The following ARID4B variants were observed in gnomAD, a reference collection of about 807,000 sequenced individuals.
ARID4B encodes the protein AT-rich interactive domain-containing protein 4B.
In ARID4B, 26 loss-of-function variants were observed where a neutral mutation model predicts 147.5. The observed-to-expected ratio is 0.18, with a 90% CI of 0.13 to 0.24. The LOEUF (loss-of-function observed/expected upper bound fraction) is 0.24, where lower values mean the gene tolerates loss of function less well. ARID4B is among the 10% of genes least tolerant of loss of function. ARID4B has a pLI of 1.00. For synonymous variants in ARID4B, 512 were observed against 507.9 expected (o/e 1.01, Z -0.11); for missense variants, 1,179 against 1,511.5 (o/e 0.78, Z 3.65).
At chr1:235,173,796 ATATATATATATATATATG>A (rs1179727520) in intron 22 of ARID4B, among the ~76,000 whole-genome samples, 1,296 of 80,326 alleles carry the variant, frequency 0.016, 59 homozygotes, top group African/African-American at 0.051. Flanking sequence ...ATATATATAT[ATATATATATATATATATG>A]TATACCTAAA....
chr1:235,278,227 T>C (rs1344548616), intron 2 of ARID4B, among the ~76,000 whole-genome samples: 1 of 152,220 alleles, frequency 6.6e-6, no homozygotes. Context: ...TAAAAAACTA[T>C]ACCAATCAAA....
At chr1:235,265,801 T>G (rs1670568649) in intron 2 of ARID4B, among the ~76,000 whole-genome samples, 2 of 152,148 alleles carry the variant, frequency 1.3e-5, no homozygotes, top group Admixed American at 6.5e-5. Flanking sequence ...GCCACTTAGC[T>G]AAGTGCCTCA....
At chr1:235,313,037 T>C (rs967622806) in intron 2 of ARID4B, among the ~76,000 whole-genome samples, 3 of 152,156 alleles carry the variant, frequency 2.0e-5, no homozygotes, top group Non-Finnish European at 4.4e-5. Flanking sequence ...AAGATAAAAC[T>C]GAAAATGTGA....
intron 9 of ARID4B, among the ~76,000 whole-genome samples, chr1:235,233,411 T>C (rs181584449): frequency 4.7e-4 from 71 of 152,022 alleles, no homozygotes; most frequent in African/African-American, 1.6e-3. Context: ...CCAGCCTGGG[T>C]GAAAGAGTGA....
At chr1:235,311,974 G>A (rs973940893) in intron 2 of ARID4B, among the ~76,000 whole-genome samples, 7 of 152,096 alleles carry the variant, frequency 4.6e-5, no homozygotes, top group Non-Finnish European at 7.4e-5. Context: ...TGTGTAATAT[G>A]TACTGATATA....
At chr1:235,186,856 C>T (rs749413041) in intron 19 of ARID4B, among the ~76,000 whole-genome samples, 2 of 151,770 alleles carry the variant, frequency 1.3e-5, no homozygotes, top group Non-Finnish European at 2.9e-5. Flanking sequence ...CCACCACATT[C>T]GGCTAATTTT....
intron 9 of ARID4B, among the ~76,000 whole-genome samples, chr1:235,233,229 C>T (rs1344788511): frequency 1.3e-5 from 2 of 152,096 alleles, no homozygotes; most frequent in East Asian, 1.9e-4. Context: ...ATTTGGATCG[C>T]TTGAGCTGAG....
intron 9 of ARID4B, among the ~76,000 whole-genome samples, chr1:235,233,753 C>T (rs775706794): frequency 9.2e-5 from 14 of 152,072 alleles, no homozygotes; most frequent in Non-Finnish European, 1.8e-4. Flanking sequence ...CTAATTAGAC[C>T]ATCAAGAACA....
intron 12 of ARID4B, 114 bp downstream of exon 12, chr1:235,224,589 C>G (rs1317159228): frequency 1.4e-6 from 1 of 719,022 alleles, no homozygotes; most frequent in South Asian, 1.7e-5. Context: ...GTCAAAAAGA[C>G]AGCCATAATT....
intron 2 of ARID4B, among the ~76,000 whole-genome samples, chr1:235,282,980 C>T (rs1671757756): frequency 6.6e-6 from 1 of 152,074 alleles, no homozygotes; most frequent in Non-Finnish European, 1.5e-5. Context: ...CGGGGTTTCA[C>T]CGTGTTAGCC....
intron 2 of ARID4B, among the ~76,000 whole-genome samples, chr1:235,314,533 A>G (rs894911313): frequency 6.6e-6 from 1 of 152,224 alleles, no homozygotes; most frequent in African/African-American, 2.4e-5. Flanking sequence ...TCATGAAGCT[A>G]CAATGTTTAC....
At chr1:235,265,728 T>C (rs1418906813) in intron 2 of ARID4B, among the ~76,000 whole-genome samples, 1 of 151,682 alleles carries the variant, frequency 6.6e-6, no homozygotes, top group Non-Finnish European at 1.5e-5. Context: ...AAAGGGTATA[T>C]GTTCCTAAAC....
chr1:235,296,353 C>T (rs1296776299), intron 2 of ARID4B: 1 of 152,186 alleles, frequency 6.6e-6, no homozygotes, highest in Non-Finnish European at 1.5e-5. Flanking sequence ...GCCCAGCTGG[C>T]TAACACTAAA....
At chr1:235,322,287 TG>T (rs1198160244) in intron 2 of ARID4B, among the ~76,000 whole-genome samples, 1 of 152,166 alleles carries the variant, frequency 6.6e-6, no homozygotes, top group African/African-American at 2.4e-5. Flanking sequence ...CCCAAAGTGC[TG>T]GGATTACAGG....
chr1:235,169,325 C>T (rs1663164085), intron 23 of ARID4B, among the ~76,000 whole-genome samples: 1 of 151,224 alleles, frequency 6.6e-6, no homozygotes. Context: ...ACTAAAAGTT[C>T]TGCCTCCTGA....
intron 6 of ARID4B, among the ~76,000 whole-genome samples, chr1:235,248,819 G>A (rs6673756): frequency 0.28 from 41,858 of 152,078 alleles, 7,365 homozygotes; most frequent in South Asian, 0.53. Context: ...GGACTAAAAA[G>A]ACCTGGGGGT....
intron 9 of ARID4B, among the ~76,000 whole-genome samples, chr1:235,232,159 A>G (rs879658067): frequency 1.3e-5 from 2 of 152,044 alleles, no homozygotes; most frequent in Admixed American, 6.6e-5. Flanking sequence ...GTGGTTCACA[A>G]CTGTAATCCC....
intron 17 of ARID4B, among the ~76,000 whole-genome samples, chr1:235,201,190 G>A (rs1665891991): frequency 6.6e-6 from 1 of 151,984 alleles, no homozygotes; most frequent in East Asian, 1.9e-4. Flanking sequence ...AAAATAACTG[G>A]AAAGGAAGTG....
chr1:235,264,607 T>A (rs902128169), intron 2 of ARID4B, among the ~76,000 whole-genome samples: 3 of 152,106 alleles, frequency 2.0e-5, no homozygotes, highest in African/African-American at 7.2e-5. Context: ...AAAAACAGAG[T>A]CAATATTAGA....
Sources: allele counts gnomAD v4.1 joint callset (sites outside exome capture counted in the v4.1 genomes callset), GRCh38; gene constraint gnomAD v4.1.1; transcripts MANE v1.5; gene names NCBI Gene and HGNC (gene_info 2026-07-23, HGNC 2026-07-21).